Variants in ZHX3 observed in about 807,000 individuals in gnomAD.
The protein encoded by ZHX3 is zinc fingers and homeoboxes 3.
In ZHX3, 20 loss-of-function variants were observed where a neutral mutation model predicts 64.5. The ratio of observed to expected loss-of-function variants is 0.31; its 90% CI spans 0.22 to 0.45. The LOEUF (loss-of-function observed/expected upper bound fraction) is 0.45. ZHX3 is among the 20% of genes least tolerant of loss of function. The probability of loss-of-function intolerance (pLI) is 1.00; values close to 1 mark genes in which losing one functional copy is unlikely to be tolerated. For synonymous variants in ZHX3, 423 were observed against 461.6 expected (o/e 0.92, Z 1.07); for missense variants, 1,041 against 1,195.8 (o/e 0.87, Z 1.91).
intron 1 of ZHX3, among the ~76,000 whole-genome samples, chr20:41,296,411 G>A (rs2044531257): frequency 6.6e-6 from 1 of 152,102 alleles, no homozygotes; most frequent in Non-Finnish European, 1.5e-5. Context: ...CACCAGGACT[G>A]AGTTGACTTA....
intron 1 of ZHX3, among the ~76,000 whole-genome samples, chr20:41,280,306 A>G (rs533723992): frequency 1.3e-3 from 204 of 152,260 alleles, no homozygotes; most frequent in Non-Finnish European, 1.4e-3. Context: ...AGAAATACCA[A>G]TTGCCTGGGC....
At chr20:41,216,967 T>C (rs752817376) in intron 2 of ZHX3, among the ~76,000 whole-genome samples, 1 of 152,216 alleles carries the variant, frequency 6.6e-6, no homozygotes, top group Non-Finnish European at 1.5e-5. Context: ...TCACATGTCA[T>C]TGACGATTTT....
chr20:41,262,761 A>T (rs1849076921), intron 2 of ZHX3, among the ~76,000 whole-genome samples: 1 of 152,170 alleles, frequency 6.6e-6, no homozygotes, highest in Non-Finnish European at 1.5e-5. Context: ...CAAAATACTT[A>T]TGAGTACCAG....
intron 3 of ZHX3, among the ~76,000 whole-genome samples, chr20:41,196,450 T>TA (rs2037592176): frequency 5.9e-5 from 1 of 16,966 alleles, no homozygotes; most frequent in East Asian, 2.7e-3. Context: ...ATATTATATA[T>TA]AATATATTTA....
rs1274075053 is a variant in ZHX3 at position 41,212,786 on chromosome 20, A to G, written c.-150-7720T>C. Among the ~76,000 whole-genome samples the G allele has an allele frequency of 2.6e-5, 4 of 151,886 alleles. No individual in the cohort carries two copies. Among genetic ancestry groups the G allele is most frequent in the African/African-American group, 9.7e-5 (4 of 41,344 alleles). ...TACTCCAGCCTGGGCAACAAGAGCT[A>G]AACTGTGTCTCAAAAAAAAAAAACC... is the stretch of plus-strand genomic sequence containing the variant. On this transcript the variant is annotated intron_variant, in intron 2 of 3. Coordinates refer to ENST00000683867, the MANE Select transcript of ZHX3 (RefSeq NM_001384317.1). This position sits in a 1 kb window ranked among gnomAD's most constrained non-coding sequence, Gnocchi z 4.3.
intron 1 of ZHX3, among the ~76,000 whole-genome samples, chr20:41,314,185 A>C (rs1374330036): frequency 2.0e-5 from 3 of 152,200 alleles, no homozygotes; most frequent in Non-Finnish European, 4.4e-5. Flanking sequence ...TCCCATCCTC[A>C]TAAATTAAAA....
intron 1 of ZHX3, among the ~76,000 whole-genome samples, chr20:41,285,351 A>T (rs912364526): frequency 2.0e-5 from 3 of 152,172 alleles, no homozygotes; most frequent in Admixed American, 2.0e-4. Context: ...TTTTAAGGCT[A>T]AATATTCAGA....
chr20:41,249,792 AAGG>A (rs1159290578), intron 2 of ZHX3, among the ~76,000 whole-genome samples: 1 of 152,194 alleles, frequency 6.6e-6, no homozygotes, highest in Non-Finnish European at 1.5e-5. Flanking sequence ...AAGGCAACCA[AAGG>A]AGAAGTCTGA....
At chr20:41,275,731 C>G (rs2043348639) in intron 1 of ZHX3, among the ~76,000 whole-genome samples, 1 of 152,190 alleles carries the variant, frequency 6.6e-6, no homozygotes, top group East Asian at 1.9e-4. Context: ...ATTCTTTGGT[C>G]TTACCACTGC....
At chr20:41,236,650 C>T (rs1474053014) in intron 2 of ZHX3, among the ~76,000 whole-genome samples, 4 of 152,128 alleles carry the variant, frequency 2.6e-5, no homozygotes, top group Admixed American at 6.5e-5. Context: ...AAATGTTAGA[C>T]GTAAAACCAT....
chr20:41,252,986 CT>C (rs1324140517), intron 2 of ZHX3, among the ~76,000 whole-genome samples: 1 of 152,054 alleles, frequency 6.6e-6, no homozygotes, highest in Non-Finnish European at 1.5e-5. Flanking sequence ...GAAAAGTTGT[CT>C]TTTTCTATAA....
intron 1 of ZHX3, among the ~76,000 whole-genome samples, chr20:41,290,881 A>C (rs1041590860): frequency 6.6e-6 from 1 of 152,142 alleles, no homozygotes; most frequent in Non-Finnish European, 1.5e-5. Context: ...CACTTTCTTC[A>C]TCTGGGGGCC....
rs1434926726 is a variant in ZHX3 at position 41,277,908 on chromosome 20, T to G, written c.-244-8825A>C. Among the ~76,000 whole-genome samples, 3 of 139,560 alleles carry G rather than the reference T, an allele frequency of 2.1e-5. 1 individual carries two copies. Among genetic ancestry groups the G allele is most frequent in the African/African-American group, 8.1e-5 (3 of 37,138 alleles). The allele number at this position is 139,560 out of a possible 152,430, so 91.6% of individuals were successfully genotyped here. On this transcript the variant is annotated intron_variant, in intron 1 of 3. Transcript: ENST00000683867. ...GCCCGGCCCCCTCCATGTCAAATATTTTAAGCATGTTTTAAATGCAGAAAG... is the reference window on the plus strand; with the variant it reads ...GCCCGGCCCCCTCCATGTCAAATATGTTAAGCATGTTTTAAATGCAGAAAG...
chr20:41,217,493 AC>A (rs1303355106), intron 2 of ZHX3, among the ~76,000 whole-genome samples: 7 of 152,208 alleles, frequency 4.6e-5, no homozygotes, highest in African/African-American at 1.7e-4. Flanking sequence ...TTTTTAAAAA[AC>A]ATTCTGTTTT....
chr20:41,233,701 C>A (rs1218493304), intron 2 of ZHX3, among the ~76,000 whole-genome samples: 1 of 152,146 alleles, frequency 6.6e-6, no homozygotes, highest in Non-Finnish European at 1.5e-5. Context: ...AGGAAAAAGG[C>A]AATGGAGAGA....
intron 2 of ZHX3, among the ~76,000 whole-genome samples, chr20:41,260,457 A>G (rs868500526): frequency 3.9e-5 from 6 of 152,178 alleles, no homozygotes; most frequent in Non-Finnish European, 7.3e-5. Context: ...CACATAGTGG[A>G]CACTTGAACT....
chr20:41,285,092 C>G (rs1024536525), intron 1 of ZHX3, among the ~76,000 whole-genome samples: 2 of 152,074 alleles, frequency 1.3e-5, no homozygotes, highest in African/African-American at 4.8e-5. Flanking sequence ...AATACTGGGT[C>G]GATGATCCTT....
intron 2 of ZHX3, chr20:41,254,752 A>C (rs976796568): frequency 4.1e-4 from 63 of 152,192 alleles, no homozygotes; most frequent in African/African-American, 1.4e-3. Flanking sequence ...GAAACAGTGT[A>C]AACACTCAAT....
chr20:41,203,322 C>A lies in ZHX3; in HGVS notation c.1595G>T (p.Gly532Val). ...TTTCCGCACCTCTCTGGTACTGAGG[C>A]CCGTCACTTTTGTGAGATGTTCAAC... ...SEVEHLTKVT[G>V]LSTREVRKWF... The change falls in exon 3 of 4, where the codon GGC (glycine) becomes GTC (valine). Residue 532 changes from glycine (G) to valine (V), a missense_variant. Transcript: ENST00000683867. This position sits in a 1 kb window ranked among gnomAD's most constrained non-coding sequence, Gnocchi z 7.1. 1 of 1,614,190 alleles carries A rather than the reference C, an allele frequency of 6.2e-7. No homozygotes were observed. Among genetic ancestry groups the A allele is most frequent in the Non-Finnish European group, 8.5e-7 (1 of 1,180,036 alleles).
Sources: gnomAD v4.1 joint callset for allele counts (sites outside exome capture counted in the v4.1 genomes callset) on GRCh38, gnomAD v4.1.1 for gene constraint, Gnocchi (gnomAD v3.1) non-coding constraint, MANE v1.5 for transcripts, NCBI Gene and HGNC (gene_info 2026-07-23, HGNC 2026-07-21) for gene names.